The following GPR39 variants were observed in gnomAD, a reference collection of about 807,000 sequenced individuals.
The protein encoded by GPR39 is zinc sensing receptor.
GPR39 carries 23 observed loss-of-function variants against 18.4 expected under a neutral mutation model. The observed-to-expected ratio is 1.25, with a 90% CI of 0.90 to 1.77. The LOEUF is 1.77. Among genes scored for constraint, GPR39 ranks in the 40% most tolerant of loss-of-function variants. The pLI is 0.00. For missense variants in GPR39, 647 were observed against 602.4 expected (o/e 1.07, Z -0.78); for synonymous variants, 280 against 257.9 (o/e 1.09, Z -0.82).
At chr2:132,444,243 G>T (rs1321578629) in intron 1 of GPR39, among the ~76,000 whole-genome samples, 1 of 152,064 alleles carries the variant, frequency 6.6e-6, no homozygotes, top group Non-Finnish European at 1.5e-5. Context: ...CTGTTACCTA[G>T]TCTCACTAGC....
At chr2:132,633,202 G>C (rs1163360895) in intron 1 of GPR39, among the ~76,000 whole-genome samples, 3 of 152,142 alleles carry the variant, frequency 2.0e-5, no homozygotes, top group Non-Finnish European at 4.4e-5. Flanking sequence ...CAGGGAGTTG[G>C]GGAAAGGCTC....
At chr2:132,531,772 G>A (rs1206621062) in intron 1 of GPR39, among the ~76,000 whole-genome samples, 1 of 152,164 alleles carries the variant, frequency 6.6e-6, no homozygotes, top group Non-Finnish European at 1.5e-5. Flanking sequence ...CAAAATGAAG[G>A]CAGAAATAAA....
At chr2:132,507,255 G>A (rs112735589) in intron 1 of GPR39, among the ~76,000 whole-genome samples, 1 of 152,032 alleles carries the variant, frequency 6.6e-6, no homozygotes, top group Non-Finnish European at 1.5e-5. Context: ...ATAATACCAG[G>A]TAGTGCTCAG....
intron 1 of GPR39, among the ~76,000 whole-genome samples, chr2:132,642,344 CTG>C (rs1236497440): frequency 2.0e-5 from 3 of 152,206 alleles, no homozygotes; most frequent in African/African-American, 7.2e-5. Flanking sequence ...CTTGTTCACA[CTG>C]AGCTTCTTCC....
intron 1 of GPR39, among the ~76,000 whole-genome samples, chr2:132,517,003 A>AT (rs1025136491): frequency 2.0e-5 from 3 of 152,210 alleles, no homozygotes; most frequent in Admixed American, 6.5e-5. Flanking sequence ...ACCGATGTCC[A>AT]TCTATAGGGT....
chr2:132,438,573 CTTTTTT>C (rs35614907), intron 1 of GPR39, among the ~76,000 whole-genome samples: 17,515 of 97,774 alleles, frequency 0.18, 1,163 homozygotes, highest in South Asian at 0.27. Flanking sequence ...TGTCAGCAAG[CTTTTTT>C]TTTTTTTTTT....
intron 1 of GPR39, among the ~76,000 whole-genome samples, chr2:132,584,025 GA>G (rs1680677197): frequency 6.6e-6 from 1 of 152,048 alleles, no homozygotes; most frequent in Admixed American, 6.6e-5. Context: ...TCTAGGGAGG[GA>G]AAGTCAAAGA....
At chr2:132,483,064 A>G (rs1475788348) in intron 1 of GPR39, among the ~76,000 whole-genome samples, 1 of 152,200 alleles carries the variant, frequency 6.6e-6, no homozygotes, top group Non-Finnish European at 1.5e-5. Flanking sequence ...CTAACTGTAT[A>G]ACCTTCAGCA....
At chr2:132,426,664 C>T (rs1486301370) in intron 1 of GPR39, among the ~76,000 whole-genome samples, 1 of 152,186 alleles carries the variant, frequency 6.6e-6, no homozygotes, top group African/African-American at 2.4e-5. Context: ...TAGAGCCTTT[C>T]CCGATTTAGA....
chr2:132,643,202 T>A (rs1681894428), intron 1 of GPR39, among the ~76,000 whole-genome samples: 1 of 152,248 alleles, frequency 6.6e-6, no homozygotes, highest in Non-Finnish European at 1.5e-5. Flanking sequence ...TTAACCATTT[T>A]TTCATCAGAT....
intron 1 of GPR39, among the ~76,000 whole-genome samples, chr2:132,430,372 G>A (rs1680203902): frequency 6.6e-6 from 1 of 152,184 alleles, no homozygotes; most frequent in Non-Finnish European, 1.5e-5. Context: ...AGGCAGGCTG[G>A]GGGTGGCTGG....
intron 1 of GPR39, among the ~76,000 whole-genome samples, chr2:132,452,072 G>GT: frequency 6.6e-6 from 1 of 152,214 alleles, no homozygotes. Context: ...GAGTCACACT[G>GT]TTTTTTGGAG....
At chr2:132,485,505 C>T (rs1270237855) in intron 1 of GPR39, among the ~76,000 whole-genome samples, 1 of 152,192 alleles carries the variant, frequency 6.6e-6, no homozygotes, top group Non-Finnish European at 1.5e-5. Context: ...AAATTGAAGT[C>T]AATCCTCTAA....
intron 1 of GPR39, among the ~76,000 whole-genome samples, chr2:132,574,603 T>C (rs1258287225): frequency 6.6e-6 from 1 of 152,054 alleles, no homozygotes. Context: ...GACATGATGG[T>C]GTGTACCTGT....
intron 1 of GPR39, among the ~76,000 whole-genome samples, chr2:132,534,955 G>A (rs147211754): frequency 0.015 from 2,285 of 151,580 alleles, 53 homozygotes; most frequent in African/African-American, 0.052. Flanking sequence ...AAACCTGGAC[G>A]TTGTGCACAT....
intron 1 of GPR39, among the ~76,000 whole-genome samples, chr2:132,462,295 T>G (rs1316049532): frequency 6.6e-6 from 1 of 152,128 alleles, no homozygotes; most frequent in Non-Finnish European, 1.5e-5. Flanking sequence ...TATCAAGAGG[T>G]TGTGGTGCTC....
At chr2:132,475,752 CTT>C (rs1681115092) in intron 1 of GPR39, among the ~76,000 whole-genome samples, 1 of 152,202 alleles carries the variant, frequency 6.6e-6, no homozygotes, top group African/African-American at 2.4e-5. Flanking sequence ...ACAAGAGTCT[CTT>C]TTTCTATGGA....
chr2:132,602,060 A>T (rs1681051764), intron 1 of GPR39, among the ~76,000 whole-genome samples: 1 of 152,118 alleles, frequency 6.6e-6, no homozygotes, highest in Non-Finnish European at 1.5e-5. Context: ...ATTAGTATGG[A>T]ACCACAAAAG....
Position 132,492,016 on chromosome 2 carries a change from CACAGCACATATATAT to C in GPR39, c.856+74122_856+74136del, listed in dbSNP as rs1485014388. ...TTGATAAAGTAATTATATATATATA[CACAGCACATATATAT>C]ACACCACATATATATACACCACATA... On this transcript the variant is annotated intron_variant, in intron 1 of 1. Coordinates refer to ENST00000329321, the MANE Select transcript of GPR39 (RefSeq NM_001508.3). Among the ~76,000 whole-genome samples the C allele has an allele frequency of 5.4e-4, 81 of 150,898 alleles. 4 individuals are homozygous for C. The South Asian group carries it at 0.016, about 30-fold the overall frequency.
Sources: allele counts gnomAD v4.1 joint callset (sites outside exome capture counted in the v4.1 genomes callset), GRCh38; gene constraint gnomAD v4.1.1; transcripts MANE v1.5; gene names NCBI Gene and HGNC (gene_info 2026-07-23, HGNC 2026-07-21).